SNX7: variants seen among roughly 807,000 people sequenced by gnomAD.
SNX7 encodes sorting nexin-7.
SNX7 carries 35 observed loss-of-function variants against 48.4 expected under a neutral mutation model. The ratio of observed to expected loss-of-function variants is 0.72; its 90% CI spans 0.55 to 0.96. The LOEUF is 0.96. SNX7 is among the 40% of genes least tolerant of loss of function. The probability of loss-of-function intolerance (pLI) is 0.00; values close to 1 mark genes in which losing one functional copy is unlikely to be tolerated. For synonymous variants in SNX7, 190 were observed against 190.2 expected, an observed-to-expected ratio of 1.00 and a Z score of 0.01; for missense variants, 553 against 548.9, an observed-to-expected ratio of 1.01 and a Z score of -0.07.
chr1:98,740,218 T>G (rs2101037963), intron 8 of SNX7, among the ~76,000 whole-genome samples: 1 of 152,322 alleles, frequency 6.6e-6, no homozygotes, highest in East Asian at 1.9e-4. Context: ...TTGAATGATA[T>G]AAAGTATTTC....
At chr1:98,705,816 C>A (rs911941787) in intron 7 of SNX7, among the ~76,000 whole-genome samples, 1 of 152,048 alleles carries the variant, frequency 6.6e-6, no homozygotes, top group Non-Finnish European at 1.5e-5. Context: ...AGTATGGATG[C>A]AGTGGGAACC....
intron 8 of SNX7, among the ~76,000 whole-genome samples, chr1:98,744,158 A>T (rs1654204729): frequency 2.0e-5 from 3 of 152,074 alleles, no homozygotes; most frequent in Non-Finnish European, 2.9e-5. Flanking sequence ...AGGTGAAAGC[A>T]AAGGAAGGAA....
At chr1:98,753,985 GC>G (rs1654713692) in intron 8 of SNX7, among the ~76,000 whole-genome samples, 1 of 151,894 alleles carries the variant, frequency 6.6e-6, no homozygotes, top group African/African-American at 2.4e-5. Flanking sequence ...ACTAATAACA[GC>G]TAATATTTAC....
chr1:98,669,190 T>C (rs933915105), intron 1 of SNX7, among the ~76,000 whole-genome samples: 1 of 152,202 alleles, frequency 6.6e-6, no homozygotes, highest in African/African-American at 2.4e-5. Context: ...CCTCAGTGTT[T>C]ACCTTCTAAT....
At chr1:98,677,990 CGTGTGT>C (rs56259822) in intron 1 of SNX7, among the ~76,000 whole-genome samples, 5,228 of 141,828 alleles carry the variant, frequency 0.037, 328 homozygotes, top group African/African-American at 0.12. Flanking sequence ...TGTGTGTGTG[CGTGTGT>C]GTGTGTGTGT....
At chr1:98,742,739 T>C (rs2101041556) in intron 8 of SNX7, among the ~76,000 whole-genome samples, 1 of 152,170 alleles carries the variant, frequency 6.6e-6, no homozygotes, top group Non-Finnish European at 1.5e-5. Flanking sequence ...AGGGAGTGGT[T>C]CATTTAAATA....
intron 6 of SNX7, among the ~76,000 whole-genome samples, chr1:98,701,438 A>G (rs1651742546): frequency 6.6e-6 from 1 of 152,102 alleles, no homozygotes; most frequent in African/African-American, 2.4e-5. Context: ...TCCCACCCAT[A>G]ACTAGTTTAT....
intron 1 of SNX7, among the ~76,000 whole-genome samples, chr1:98,676,825 G>A (rs188103679): frequency 2.6e-4 from 39 of 152,250 alleles, no homozygotes; most frequent in Non-Finnish European, 4.7e-4. Context: ...GTCCAACTTT[G>A]TAATTTAACA....
In SNX7 at chr1:98,687,974, G is replaced by C. The variant is rs574344981; in HGVS notation, c.363+2907G>C. ...GATTCAATTATCTTCACCTGGCCCC[G>C]CCCTTGACACATGGGGATTATTACA... On this transcript the variant is annotated intron_variant, in intron 2 of 8. Transcript: ENST00000306121. Among the ~76,000 whole-genome samples, 246 of 152,202 alleles carry C rather than the reference G, an allele frequency of 1.6e-3. 1 individual carries two copies. The highest frequency in any genetic ancestry group is 5.6e-3 in the African/African-American group (234 of 41,526).
chr1:98,724,103 C>T (rs1653041396), intron 7 of SNX7, among the ~76,000 whole-genome samples: 1 of 152,052 alleles, frequency 6.6e-6, no homozygotes, highest in African/African-American at 2.4e-5. Context: ...CAGGCTGGGG[C>T]AGTTCTTACT....
chr1:98,706,894 G>A (rs1471049660), intron 7 of SNX7, among the ~76,000 whole-genome samples: 1 of 152,096 alleles, frequency 6.6e-6, no homozygotes, highest in African/African-American at 2.4e-5. Flanking sequence ...GTTTAATGGG[G>A]AAGATAATTT....
chr1:98,725,165 T>C (rs754551634), intron 7 of SNX7, among the ~76,000 whole-genome samples: 12 of 152,210 alleles, frequency 7.9e-5, no homozygotes, highest in Non-Finnish European at 1.6e-4. Context: ...TGAATATCAC[T>C]ACTCCATGAT....
intron 8 of SNX7, among the ~76,000 whole-genome samples, chr1:98,755,201 G>T (rs1305080923): frequency 6.6e-6 from 1 of 152,020 alleles, no homozygotes; most frequent in Non-Finnish European, 1.5e-5. Flanking sequence ...AATTTATCAA[G>T]ACTTATTGTA....
In SNX7 at chr1:98,684,900, G is replaced by T; in HGVS notation, c.196G>T (p.Asp66Tyr). 6.6e-7 allele frequency: 1 copy of T among 1,504,714 alleles called. No individual in the cohort carries two copies. The highest frequency in any genetic ancestry group is 8.9e-7 in the Non-Finnish European group (1 of 1,121,524). 93.2% of individuals were successfully genotyped at this position (1,504,714 alleles called of 1,614,324 possible). Residue 66 changes from aspartate (D) to tyrosine (Y), a missense_variant, in exon 2 of 9, where the codon GAC (aspartate) becomes TAC (tyrosine). Asp to Tyr is a radical substitution (Grantham distance 160). Coordinates refer to ENST00000306121, the MANE Select transcript of SNX7 (RefSeq NM_015976.5). The stretch of plus-strand genomic sequence containing the variant: ...TATTTCTTAGGATGCCTCATTGATG[G>T]ACATGAACTCCTTCAGCCCTATGAT... Reference protein sequence around the residue: ...EVFSKDASLMDMNSFSPMMPT... With the variant: ...EVFSKDASLMYMNSFSPMMPT...
chr1:98,672,155 C>A (rs1463848732), intron 1 of SNX7, among the ~76,000 whole-genome samples: 2 of 152,072 alleles, frequency 1.3e-5, no homozygotes, highest in Non-Finnish European at 2.9e-5. Flanking sequence ...ATTTCAGTGG[C>A]TTGCTTACAA....
At chr1:98,670,731 T>G (rs1031174282) in intron 1 of SNX7, among the ~76,000 whole-genome samples, 3 of 152,158 alleles carry the variant, frequency 2.0e-5, no homozygotes, top group African/African-American at 7.2e-5. Context: ...AAGGATGCAT[T>G]TCTCAGAACC....
intron 8 of SNX7, among the ~76,000 whole-genome samples, chr1:98,742,947 A>T (rs969380591): frequency 3.3e-5 from 5 of 152,010 alleles, no homozygotes; most frequent in Non-Finnish European, 1.5e-5. Context: ...TTTTCTTATG[A>T]TACATCATAC....
intron 7 of SNX7, among the ~76,000 whole-genome samples, chr1:98,703,394 A>G (rs571685831): frequency 1.1e-4 from 16 of 152,128 alleles, no homozygotes; most frequent in African/African-American, 3.1e-4. Flanking sequence ...GAATTATTAT[A>G]CTATGAATTA....
chr1:98,674,238 A>T (rs1650031993), intron 1 of SNX7, among the ~76,000 whole-genome samples: 1 of 152,152 alleles, frequency 6.6e-6, no homozygotes, highest in Non-Finnish European at 1.5e-5. Context: ...ATGCTGTGTG[A>T]GTTTGCCAGG....
Sources: gnomAD v4.1 joint callset for allele counts (sites outside exome capture counted in the v4.1 genomes callset) on GRCh38, gnomAD v4.1.1 for gene constraint, MANE v1.5 for transcripts, NCBI Gene and HGNC (gene_info 2026-07-23, HGNC 2026-07-21) for gene names.